The following ABI3BP variants were observed in gnomAD, a reference collection of about 807,000 sequenced individuals.
ABI3BP encodes the protein target of Nesh-SH3.
In ABI3BP, 216 loss-of-function variants were observed where a neutral mutation model predicts 268.6. The observed-to-expected ratio is 0.80, with a 90% CI of 0.72 to 0.90. The LOEUF (loss-of-function observed/expected upper bound fraction) is 0.90. Ranked by LOEUF, ABI3BP falls within the 40% of genes least tolerant of loss-of-function variation. ABI3BP has a pLI of 0.00. For missense variants in ABI3BP, 2,090 were observed against 2,182.4 expected (o/e 0.96, Z 0.84); for synonymous variants, 730 against 730.0 (o/e 1.00, Z 0.00).
intron 35 of ABI3BP, 129 bp from the exon 36 acceptor site, chr3:100,825,070 A>G: frequency 1.3e-6 from 1 of 750,706 alleles, no homozygotes; most frequent in South Asian, 2.1e-5. Context: ...TTACTTTTTC[A>G]TTCCTTTTAT....
intron 16 of ABI3BP, 33 bp downstream of exon 16, chr3:100,850,627 A>T (rs1006753015): frequency 6.5e-7 from 1 of 1,544,140 alleles, no homozygotes; most frequent in South Asian, 1.2e-5. Context: ...TTTGATGGAA[A>T]ATAAAGTATG....
At chr3:100,969,777 T>C (rs2082788354) in intron 1 of ABI3BP, among the ~76,000 whole-genome samples, 1 of 152,228 alleles carries the variant, frequency 6.6e-6, no homozygotes. Flanking sequence ...TTAACTCATT[T>C]TTTTGTAGAC....
At chr3:100,898,695 A>T in intron 4 of ABI3BP, 67 bp downstream of exon 4, 1 of 1,527,846 alleles carries the variant, frequency 6.5e-7, no homozygotes, top group Non-Finnish European at 8.9e-7. Context: ...CAATGCTAAC[A>T]GTCCTGATAC....
In ABI3BP at chr3:100,850,108, T is replaced by C; in HGVS notation, c.1438A>G (p.Thr480Ala). 3.1e-6 allele frequency: 5 copies of C among 1,608,680 alleles called. No individual in the cohort carries two copies. Among genetic ancestry groups the C allele is most frequent in the Non-Finnish European group, 4.2e-6 (5 of 1,177,422 alleles). Residue 480 changes from threonine to alanine, a missense_variant, in exon 17 of 68, where the codon ACA (threonine) becomes GCA (alanine). Physicochemically the swap from Thr to Ala is moderately conservative, Grantham distance 58. Coordinates refer to ENST00000471714, the MANE Select transcript of ABI3BP (RefSeq NM_001375547.2). ...QPRATLAPSE[T>A]PFVPQKLEIF... ...TCCAGTTTTTGAGGAACAAATGGTGTTTCACTTGGAGCTGAAAGCACAAAC... is the reference window on the plus strand; with the variant it reads ...TCCAGTTTTTGAGGAACAAATGGTGCTTCACTTGGAGCTGAAAGCACAAAC...
At chr3:100,787,218 A>G (rs1233049325) in intron 57 of ABI3BP, among the ~76,000 whole-genome samples, 1 of 152,148 alleles carries the variant, frequency 6.6e-6, no homozygotes, top group Non-Finnish European at 1.5e-5. Context: ...TTTAAGATGA[A>G]TGATTTGAAA....
At chr3:100,792,105 T>C (rs1026952507) in intron 55 of ABI3BP, among the ~76,000 whole-genome samples, 1 of 151,824 alleles carries the variant, frequency 6.6e-6, no homozygotes, top group African/African-American at 2.4e-5. Flanking sequence ...TCTGAGTGCA[T>C]GAAGATGAGA....
chr3:100,780,231 G>C, intron 57 of ABI3BP, 22 bp from the exon 58 acceptor site: 2 of 1,606,250 alleles, frequency 1.2e-6, no homozygotes, highest in Non-Finnish European at 1.7e-6. Context: ...GATAATGAAA[G>C]GGAATAAACA....
chr3:100,962,385 T>C (rs998723513), intron 1 of ABI3BP, among the ~76,000 whole-genome samples: 3 of 152,322 alleles, frequency 2.0e-5, no homozygotes, highest in African/African-American at 7.2e-5. Context: ...AAAATTGCAC[T>C]ATTCCATGAA....
intron 63 of ABI3BP, among the ~76,000 whole-genome samples, chr3:100,763,023 C>T (rs897814599): frequency 2.0e-5 from 3 of 152,100 alleles, no homozygotes; most frequent in Non-Finnish European, 2.9e-5. Context: ...CTGAACCATA[C>T]CAAATTCTTA....
intron 55 of ABI3BP, among the ~76,000 whole-genome samples, chr3:100,791,003 G>C (rs939385001): frequency 6.6e-6 from 1 of 151,734 alleles, no homozygotes. Context: ...TTTTATAAAA[G>C]AGCTTAAATA....
chr3:100,841,934 C>CA, intron 21 of ABI3BP, 64 bp downstream of exon 21: 1 of 1,153,652 alleles, frequency 8.7e-7, no homozygotes, highest in Non-Finnish European at 1.2e-6. Context: ...CAAAGCTGAA[C>CA]AAAGTTGAAC....
chr3:100,976,809 G>C (rs2086443006), intron 1 of ABI3BP, among the ~76,000 whole-genome samples: 2 of 152,112 alleles, frequency 1.3e-5, no homozygotes, highest in South Asian at 4.1e-4. Flanking sequence ...CTCAGATCTG[G>C]CTGTCTTTAA....
chr3:100,755,138 A>G (rs989160232), intron 63 of ABI3BP, among the ~76,000 whole-genome samples: 8 of 152,122 alleles, frequency 5.3e-5, no homozygotes, highest in Non-Finnish European at 7.3e-5. Context: ...CATCTTTCTC[A>G]CTGTGGAGTT....
At position 100,815,997 on chromosome 3, in the gene ABI3BP, C is replaced by A. The variant is rs766804688; in HGVS notation, c.3230-26G>T. On this transcript the variant is annotated intron_variant, in intron 43 of 67. Transcript: ENST00000471714. ...CTAACCAAAAGCAACAACATGAATACAAGAAAGCTTAAAGACTTTTTAAAA... is the reference window on the plus strand; with the variant it reads ...CTAACCAAAAGCAACAACATGAATAAAAGAAAGCTTAAAGACTTTTTAAAA... 3.0e-5 allele frequency: 44 copies of A among 1,468,354 alleles called. No homozygotes were observed. In the East Asian group the frequency reaches 1.0e-3, roughly 35 times the overall value. 91.0% of individuals were successfully genotyped at this position (1,468,354 alleles called of 1,614,324 possible).
In ABI3BP at chr3:100,815,968, G is replaced by C. The variant is rs767327125; in HGVS notation, c.3233C>G (p.Ser1078Cys). 2.7e-5 allele frequency: 41 copies of C among 1,516,088 alleles called. No individual in the cohort carries two copies. The highest frequency in any genetic ancestry group is 1.8e-5 in the Non-Finnish European group (21 of 1,140,456). 93.9% of individuals were successfully genotyped at this position (1,516,088 alleles called of 1,614,324 possible). ...SPEVPQNKSV[S>C]VTGFEPVVHS... ...AACAACAGGTTCAAAGCCTGTAACA[G>C]AAACTAACCAAAAGCAACAACATGA... The change falls in exon 44 of 68, where the codon TCT (serine) becomes TGT (cysteine). Residue 1078 changes from serine to cysteine, a missense_variant. Coordinates refer to ENST00000471714, the MANE Select transcript of ABI3BP (RefSeq NM_001375547.2).
intron 1 of ABI3BP, among the ~76,000 whole-genome samples, chr3:100,970,899 G>A (rs1360281877): frequency 6.6e-6 from 1 of 152,150 alleles, no homozygotes; most frequent in Non-Finnish European, 1.5e-5. Flanking sequence ...ATTGGGCAGT[G>A]GTCTTCACAG....
At chr3:100,789,424 A>T in intron 56 of ABI3BP, 30 bp downstream of exon 56, 3 of 1,583,230 alleles carry the variant, frequency 1.9e-6, no homozygotes, top group Non-Finnish European at 2.6e-6. Context: ...CTGCCTGCTG[A>T]TTATTTAAGT....
chr3:100,834,645 A>G (rs147409573), intron 29 of ABI3BP, 39 bp downstream of exon 29: 23,917 of 1,523,952 alleles, frequency 0.016, 248 homozygotes, highest in Middle Eastern at 0.022. Flanking sequence ...GCCACATCCA[A>G]TGGGATGCCA....
chr3:100,825,261 C>T (rs1241746897), intron 35 of ABI3BP, among the ~76,000 whole-genome samples: 1 of 151,992 alleles, frequency 6.6e-6, no homozygotes, highest in African/African-American at 2.4e-5. Context: ...GTTAGAGTCA[C>T]ATTAAGGAAG....
Sources: allele counts gnomAD v4.1 joint callset (sites outside exome capture counted in the v4.1 genomes callset), GRCh38; gene constraint gnomAD v4.1.1; transcripts MANE v1.5; gene names NCBI Gene and HGNC (gene_info 2026-07-23, HGNC 2026-07-21).